Variants in PNPLA6 observed in about 807,000 individuals in gnomAD.
PNPLA6 encodes the protein patatin-like phospholipase domain-containing protein 6.
Under a neutral mutation model 153.7 loss-of-function variants are expected in PNPLA6, and 105 were observed. That is an observed-to-expected ratio of 0.68 (90% CI 0.58 to 0.80). The LOEUF (loss-of-function observed/expected upper bound fraction) is 0.80. Among genes scored for constraint, PNPLA6 ranks in the 30% least tolerant of loss-of-function variants. The probability of loss-of-function intolerance (pLI) is 0.00; values close to 1 mark genes in which losing one functional copy is unlikely to be tolerated. For missense variants in PNPLA6, 1,423 were observed against 1,919.3 expected (o/e 0.74, Z 4.83); for synonymous variants, 825 against 822.2 (o/e 1.00, Z -0.06).
upstream of PNPLA6, chr19:7,535,585 G>T: frequency 6.2e-7 from 1 of 1,603,892 alleles, no homozygotes; most frequent in Non-Finnish European, 8.5e-7. This position sits in a 1 kb window ranked among gnomAD's most constrained non-coding sequence, Gnocchi z 5.0. Context: ...ATGGTAAGGG[G>T]TGGGGCGGAG....
In PNPLA6 at chr19:7,540,135, C is replaced by T. The variant is rs772339510; in HGVS notation, c.555-14C>T. The T allele has an allele frequency of 8.7e-6, 14 of 1,613,000 alleles. No homozygotes were observed. In the South Asian group the frequency reaches 9.9e-5, roughly 11 times the overall value. Reference sequence around the variant, plus strand: ...CTGACCTCCAGCCTCTGTCGCCCACCGCCTGTCCAACAGGGTGCTGGGCCA... The same window carrying T: ...CTGACCTCCAGCCTCTGTCGCCCACTGCCTGTCCAACAGGGTGCTGGGCCA... On this transcript the variant is annotated splice_polypyrimidine_tract_variant and intron_variant, in intron 4 of 31. Transcript: ENST00000600737. The surrounding 1 kb of genome is among the most constrained non-coding windows in gnomAD (Gnocchi z 6.8).
At chr19:7,561,151 C>A (rs768911051) in intron 30 of PNPLA6, 41 bp downstream of exon 30, 1 of 1,589,578 alleles carries the variant, frequency 6.3e-7, no homozygotes, top group Non-Finnish European at 8.6e-7. Context: ...AGGGGAGTGG[C>A]TGGAGATGGC....
intron 3 of PNPLA6, among the ~76,000 whole-genome samples, chr19:7,538,973 G>A (rs940397511): frequency 5.3e-5 from 8 of 152,174 alleles, no homozygotes; most frequent in African/African-American, 1.9e-4. Context: ...TTCAGCTCAG[G>A]GGCCTATGCC....
chr19:7,560,441 G>A (rs2024052218), intron 28 of PNPLA6: 1 of 631,836 alleles, frequency 1.6e-6, no homozygotes, highest in Non-Finnish European at 2.9e-6. Flanking sequence ...GAAAGAACAT[G>A]GAGAGATTGA....
chr19:7,546,200 G>A (rs2146074377), intron 13 of PNPLA6, among the ~76,000 whole-genome samples: 2 of 152,230 alleles, frequency 1.3e-5, no homozygotes, highest in Middle Eastern at 6.8e-3. Context: ...AATGTTGTGT[G>A]GTGGGAAGAA....
Position 7,560,438 on chromosome 19 carries a change from C to T in PNPLA6, c.3700-210C>T, listed in dbSNP as rs539399390. 3.3e-5 allele frequency among the ~76,000 whole-genome samples: 5 copies of T among 152,274 alleles called. No individual in the cohort carries two copies. The South Asian group carries it at 1.0e-3, about 32-fold the overall frequency. On this transcript the variant is annotated intron_variant, in intron 28 of 31. Transcript: ENST00000600737. ...CTGCATGGGGCTGTGTGGGAAAGAA[C>T]ATGGAGAGATTGATTGGTAATGTCT...
In PNPLA6 at chr19:7,540,438, A is replaced by G; in HGVS notation, c.714+130A>G. The G allele has an allele frequency of 5.3e-6, 6 of 1,138,512 alleles. No individual in the cohort carries two copies. The highest frequency in any genetic ancestry group is 7.6e-6 in the Non-Finnish European group (6 of 793,370). The allele number at this position is 1,138,512 out of a possible 1,614,324, so 70.5% of individuals were successfully genotyped here. A position where few individuals can be genotyped will look rare whatever the true frequency, so the allele number is the denominator to read the frequency against. ...GTCAGGGGAACGGGTGACCGAGGAC[A>G]TTTGGGGTAGTCTGCGTAGTTGCTC... On this transcript the variant is annotated intron_variant, in intron 5 of 31. Transcript: ENST00000600737. This position sits in a 1 kb window ranked among gnomAD's most constrained non-coding sequence, Gnocchi z 6.8.
chr19:7,534,218 G>A (rs2022735928), upstream of PNPLA6: 2 of 330,924 alleles, frequency 6.0e-6, no homozygotes, highest in Non-Finnish European at 1.2e-5. Context: ...GGCGCGGAGT[G>A]GACCCCGGCT....
chr19:7,552,168 T>C (rs998274494), intron 18 of PNPLA6, among the ~76,000 whole-genome samples: 44 of 152,102 alleles, frequency 2.9e-4, no homozygotes, highest in African/African-American at 1.0e-3. Context: ...AAATAGTCTG[T>C]GGATTGTTGT....
chr19:7,550,083 C>T lies in PNPLA6; in HGVS notation c.1785C>T (p.Phe595=). ...FTLRAQRDCT[F]LRISKSDFYE... The stretch of plus-strand genomic sequence containing the variant: ...TGCGAGCCCAACGCGACTGCACCTT[C>T]CTGCGGATCTCCAAGTCCGACTTCT... The change falls in exon 14 of 32, where the codon TTC becomes TTT. Residue 595 remains phenylalanine, a synonymous_variant. Coordinates refer to ENST00000600737, the MANE Select transcript of PNPLA6 (RefSeq NM_001166114.2). 6.2e-7 allele frequency: 1 copy of T among 1,614,100 alleles called. No homozygotes were observed.
chr19:7,546,761 G>A, intron 13 of PNPLA6, among the ~76,000 whole-genome samples: 1 of 152,050 alleles, frequency 6.6e-6, no homozygotes, highest in East Asian at 1.9e-4. Context: ...TTTAAAGGTG[G>A]GGTCTCACTA....
chr19:7,546,510 T>G (rs905323580), intron 13 of PNPLA6, among the ~76,000 whole-genome samples: 9 of 152,180 alleles, frequency 5.9e-5, no homozygotes, highest in Non-Finnish European at 1.3e-4. Flanking sequence ...GGCGCATGCC[T>G]GTAGTCCCAG....
chr19:7,536,524 AAG>A lies in PNPLA6; in HGVS notation c.393_394del (p.Lys131AsnfsTer31), dbSNP rs1224488178. On this transcript the variant is annotated frameshift_variant, in exon 3 of 32. Coordinates refer to ENST00000600737, the MANE Select transcript of PNPLA6 (RefSeq NM_001166114.2). LOFTEE classifies it high-confidence loss of function. ...CCGGCCACGCATGAGGAAGAAACTG[AAG>A]ATGCTCAACATTGCCAAGAAGTAAG... ...TSRPRMRKKL[K>X]MLNIAKKILR... The A allele has an allele frequency of 1.2e-6, 2 of 1,613,268 alleles. No homozygotes were observed. The highest frequency in any genetic ancestry group is 1.7e-6 in the Non-Finnish European group (2 of 1,179,174).
chr19:7,556,451 A>G lies in PNPLA6; in HGVS notation c.3094-2A>G. ...TGACCCTGTCTGGCCCCTTGTCCCT[A>G]GAGCATGACTTCGGTGCTGGAACCT... On this transcript the variant is annotated splice_acceptor_variant, in intron 24 of 31. Coordinates refer to ENST00000600737, the MANE Select transcript of PNPLA6 (RefSeq NM_001166114.2). LOFTEE classifies it high-confidence loss of function. The G allele has an allele frequency of 6.3e-7, 1 of 1,596,582 alleles. No individual in the cohort carries two copies. The highest frequency in any genetic ancestry group is 1.3e-5 in the African/African-American group (1 of 74,606).
upstream of PNPLA6, chr19:7,534,660 G>C (rs1004055203): frequency 6.5e-6 from 1 of 152,706 alleles, no homozygotes; most frequent in African/African-American, 2.4e-5. Context: ...TTTCCCAGCA[G>C]TAGTATTGTA....
rs188353745 is a variant in PNPLA6 at position 7,535,961 on chromosome 19, T to C, written c.173T>C (p.Val58Ala). The change falls in exon 1 of 32, where the codon GTG (valine) becomes GCG (alanine). Residue 58 changes from valine (V) to alanine (A), a missense_variant. Transcript: ENST00000600737. The surrounding 1 kb of genome is among the most constrained non-coding windows in gnomAD (Gnocchi z 5.0). ...QVLGVMIGAG[V>A]AVVVTAVLIL... is the part of the protein sequence containing the mutation. ...CTTGGCGTGATGATCGGGGCCGGAG[T>C]GGCGGTGGTGGTCACGGCCGTGCTC... 6,308 of 1,583,718 alleles carry C rather than the reference T, an allele frequency of 4.0e-3. 132 individuals carry two copies. The East Asian group carries it at 0.043, about 11-fold the overall frequency.
At chr19:7,536,341 C>T in intron 2 of PNPLA6, 68 bp downstream of exon 2, 1 of 1,430,512 alleles carries the variant, frequency 7.0e-7, no homozygotes, top group East Asian at 2.3e-5. Flanking sequence ...ATTTACACTT[C>T]TTAGTGTCCG....
At chr19:7,542,227 C>T (rs139481110) in intron 10 of PNPLA6, among the ~76,000 whole-genome samples, 160 bp downstream of exon 10, 1 of 152,346 alleles carries the variant, frequency 6.6e-6, no homozygotes, top group African/African-American at 2.4e-5. Flanking sequence ...AGTGCTTCTC[C>T]CACCTGTTAA....
At chr19:7,560,467 A>G in intron 28 of PNPLA6, 181 bp from the exon 29 acceptor site, 1 of 668,044 alleles carries the variant, frequency 1.5e-6, no homozygotes, top group Non-Finnish European at 2.7e-6. Flanking sequence ...AATGTCTGTC[A>G]AGGGCAGGAC....
Sources: gnomAD v4.1 joint callset for allele counts (sites outside exome capture counted in the v4.1 genomes callset) on GRCh38, gnomAD v4.1.1 for gene constraint, Gnocchi (gnomAD v3.1) non-coding constraint, MANE v1.5 for transcripts, NCBI Gene and HGNC (gene_info 2026-07-23, HGNC 2026-07-21) for gene names.